NEFH: variants seen among roughly 807,000 people sequenced by gnomAD.
The protein encoded by NEFH is neurofilament heavy chain, also known as neurofilament heavy polypeptide.
A neutral mutation model predicts 56.6 loss-of-function variants in NEFH; 58 were observed. The ratio of observed to expected loss-of-function variants is 1.03; its 90% confidence interval spans 0.83 to 1.28. The LOEUF is 1.28. NEFH is among the 50% of genes most tolerant of loss of function. NEFH has a pLI of 0.00. For missense variants in NEFH, 1,221 were observed against 1,307.6 expected (o/e 0.93, Z 1.02); for synonymous variants, 542 against 545.8 (o/e 0.99, Z 0.10).
Position 29,483,371 on chromosome 22 carries a change from C to T in NEFH, c.884-4C>T. On this transcript the variant is annotated splice_region_variant and splice_polypyrimidine_tract_variant and intron_variant, in intron 1 of 3. Coordinates refer to ENST00000310624, the MANE Select transcript of NEFH (RefSeq NM_021076.4). ...ACCCTGTGCCCTGCTACCTTCTCCC[C>T]CAGTGAGGCTGGACCGACTGTCGGA... 7 of 1,613,738 alleles carry T rather than the reference C, an allele frequency of 4.3e-6. No homozygotes were observed. The highest frequency in any genetic ancestry group is 5.9e-6 in the Non-Finnish European group (7 of 1,179,978).
chr22:29,489,996 A>G lies in NEFH; in HGVS notation c.2356A>G (p.Lys786Glu). Residue 786 changes from lysine to glutamate, a missense_variant, in exon 4 of 4, where the codon AAA becomes GAA. This residue lies in a region of NEFH where 301 missense variants were observed against 346.6 expected (regional missense o/e 0.87). Coordinates refer to ENST00000310624, the MANE Select transcript of NEFH (RefSeq NM_021076.4). ...TGCAGACAAATTCCCTGAAAAGGCCAAAAGCCCTGTCAAGGAGGAGGTCAA... is the reference window on the plus strand; with the variant it reads ...TGCAGACAAATTCCCTGAAAAGGCCGAAAGCCCTGTCAAGGAGGAGGTCAA... ...SPADKFPEKA[K>E]SPVKEEVKSP... 1 of 1,613,634 alleles carries G rather than the reference A, an allele frequency of 6.2e-7. No homozygotes were observed. Among genetic ancestry groups the G allele is most frequent in the African/African-American group, 1.3e-5 (1 of 74,846 alleles).
In NEFH at chr22:29,489,094, A is replaced by T. The variant is rs191130087; in HGVS notation, c.1454A>T (p.Glu485Val). ...EKEAKEEEGK[E>V]EEGGEEEEAE... ...GAGGCCAAAGAGGAGGAGGGCAAGG[A>T]GGAAGAAGGGGGTGAAGAAGAGGAG... Residue 485 changes from glutamate (E) to valine (V), a missense_variant, in exon 4 of 4, where the codon GAG becomes GTG. Around this residue, in one of 4 missense-constraint regions of NEFH, gnomAD observed 243 missense variants for 299.1 expected, o/e 0.81. Transcript: ENST00000310624. 10 of 1,613,450 alleles carry T rather than the reference A, an allele frequency of 6.2e-6. No homozygotes were observed. Among genetic ancestry groups the T allele is most frequent in the Non-Finnish European group, 8.5e-6 (10 of 1,179,608 alleles).
intron 3 of NEFH, among the ~76,000 whole-genome samples, chr22:29,488,275 A>G (rs2063055441): frequency 6.6e-6 from 1 of 152,024 alleles, no homozygotes; most frequent in South Asian, 2.1e-4. Context: ...GAGACAGGAG[A>G]ATTGCTTGAA....
chr22:29,489,496 A>G lies in NEFH; in HGVS notation c.1856A>G (p.Lys619Arg). ...KEEAKSPAEA[K>R]SPVKEEAKSP... ...GAAGCAAAGTCACCGGCTGAGGCCA[A>G]GTCCCCAGTGAAGGAAGAAGCAAAA... Residue 619 changes from lysine to arginine, a missense_variant, in exon 4 of 4, where the codon AAG becomes AGG. Physicochemically the swap from Lys to Arg is conservative, Grantham distance 26. Around this residue, in one of 4 missense-constraint regions of NEFH, gnomAD observed 243 missense variants for 299.1 expected, o/e 0.81. Coordinates refer to ENST00000310624, the MANE Select transcript of NEFH (RefSeq NM_021076.4). The G allele has an allele frequency of 6.3e-7, 1 of 1,599,474 alleles. No individual in the cohort carries two copies. The highest frequency in any genetic ancestry group is 8.6e-7 in the Non-Finnish European group (1 of 1,169,578).
Position 29,490,545 on chromosome 22 carries a change from C to T in NEFH, c.2905C>T (p.Pro969Ser). 6.2e-7 allele frequency: 1 copy of T among 1,612,204 alleles called. No homozygotes were observed. The highest frequency in any genetic ancestry group is 1.1e-5 in the South Asian group (1 of 90,660). Residue 969 changes from proline to serine, a missense_variant, in exon 4 of 4, where the codon CCC becomes TCC. Pro to Ser is a moderately conservative substitution (Grantham distance 74, BLOSUM62 -1). Coordinates refer to ENST00000310624, the MANE Select transcript of NEFH (RefSeq NM_021076.4). ...EEKAKKPEEK[P>S]KTEAKAKEDD... ...GAAGGCCAAGAAGCCTGAGGAGAAA[C>T]CCAAGACAGAGGCCAAAGCCAAGGA...
Position 29,480,900 on chromosome 22 carries a change from G to C in NEFH, c.638G>C (p.Arg213Pro), listed in dbSNP as rs1330885133. The stretch of plus-strand genomic sequence containing the variant: ...TTCGCGCAGGAGGCCGAGGCGGCGC[G>C]CGTGGACCTGCAGAAGAAGGCGCAG... ...ARFAQEAEAA[R>P]VDLQKKAQAL... Residue 213 changes from arginine (R) to proline (P), a missense_variant, in exon 1 of 4, where the codon CGC becomes CCC. This residue lies in a region of NEFH where 640 missense variants were observed against 555.5 expected (regional missense o/e 1.15). Coordinates refer to ENST00000310624, the MANE Select transcript of NEFH (RefSeq NM_021076.4). 1 of 1,485,136 alleles carries C rather than the reference G, an allele frequency of 6.7e-7. No individual in the cohort carries two copies. Among genetic ancestry groups the C allele is most frequent in the African/African-American group, 1.5e-5 (1 of 68,100 alleles). The allele number at this position is 1,485,136 out of a possible 1,614,324, so 92.0% of individuals were successfully genotyped here.
chr22:29,481,443 C>T (rs556602600), intron 1 of NEFH, among the ~76,000 whole-genome samples: 12 of 152,122 alleles, frequency 7.9e-5, no homozygotes, highest in Non-Finnish European at 1.8e-4. Flanking sequence ...TCTGAGATCC[C>T]TCCCCCGTCA....
Position 29,489,674 on chromosome 22 carries a change from G to A in NEFH, c.2034G>A (p.Glu678=), listed in dbSNP as rs755787868. 6.2e-7 allele frequency: 1 copy of A among 1,610,594 alleles called. No homozygotes were observed. Among genetic ancestry groups the A allele is most frequent in the Non-Finnish European group, 8.5e-7 (1 of 1,179,286 alleles). ...SPVKAEAKSP[E]KAKSPVKAEA... is the part of the protein sequence containing the mutation. ...TGAAGGCAGAAGCAAAGTCCCCTGA[G>A]AAGGCCAAGTCCCCAGTGAAGGCAG... is the stretch of plus-strand genomic sequence containing the variant. Residue 678 remains glutamate, a synonymous_variant, in exon 4 of 4, where the codon GAG becomes GAA. Coordinates refer to ENST00000310624, the MANE Select transcript of NEFH (RefSeq NM_021076.4).
intron 2 of NEFH, 151 bp from the exon 3 acceptor site, chr22:29,485,572 G>A (rs1439185378): frequency 2.3e-6 from 2 of 863,792 alleles, no homozygotes; most frequent in Non-Finnish European, 1.9e-6. Context: ...GTCCACTAAT[G>A]AGGACCCTAC....
chr22:29,484,905 G>A (rs1042677916), intron 2 of NEFH, among the ~76,000 whole-genome samples: 2 of 151,736 alleles, frequency 1.3e-5, no homozygotes, highest in Non-Finnish European at 2.9e-5. Context: ...CGAGATCATA[G>A]CTCACTAAAG....
At chr22:29,481,470 C>T (rs977877517) in intron 1 of NEFH, among the ~76,000 whole-genome samples, 2 of 152,118 alleles carry the variant, frequency 1.3e-5, no homozygotes, top group Admixed American at 6.5e-5. Flanking sequence ...AAACAAGTTT[C>T]CTCTACAGGA....
intron 2 of NEFH, among the ~76,000 whole-genome samples, chr22:29,484,204 G>T (rs2063030472): frequency 6.6e-6 from 1 of 152,128 alleles, no homozygotes; most frequent in Admixed American, 6.6e-5. Context: ...AGCTCGGCAA[G>T]GTCTTCAACA....
Position 29,486,701 on chromosome 22 carries a change from T to G in NEFH, c.1208+854T>G, listed in dbSNP as rs184875263. Among the ~76,000 whole-genome samples, 34 of 152,012 alleles carry G rather than the reference T, an allele frequency of 2.2e-4. 1 individual carries two copies. The highest frequency in any genetic ancestry group is 2.2e-3 in the Admixed American group (33 of 15,264). ...CCACACCCAGCTATTTTTTGTATTT[T>G]TAGTAGAGACTGGGTCTCGCTATGT... On this transcript the variant is annotated intron_variant, in intron 3 of 3. Coordinates refer to ENST00000310624, the MANE Select transcript of NEFH (RefSeq NM_021076.4).
intron 3 of NEFH, among the ~76,000 whole-genome samples, chr22:29,486,430 C>T (rs1426958794): frequency 6.6e-6 from 1 of 151,948 alleles, no homozygotes; most frequent in East Asian, 1.9e-4. Context: ...TCATCGCAAA[C>T]TGAAACTCCA....
At position 29,489,390 on chromosome 22, in the gene NEFH, G is replaced by T. The variant is rs557901087; in HGVS notation, c.1750G>T (p.Ala584Ser). 15 of 1,613,128 alleles carry T rather than the reference G, an allele frequency of 9.3e-6. No homozygotes were observed. Among genetic ancestry groups the T allele is most frequent in the Non-Finnish European group, 1.2e-5 (14 of 1,179,330 alleles). The change falls in exon 4 of 4, where the codon GCC becomes TCC. Residue 584 changes from alanine (A) to serine (S), a missense_variant. Coordinates refer to ENST00000310624, the MANE Select transcript of NEFH (RefSeq NM_021076.4). ...SPAEVKSPEK[A>S]KSPAKEEAKS... ...AGCTGAGGTCAAGTCCCCCGAGAAG[G>T]CCAAGTCCCCAGCAAAGGAAGAGGC...
At chr22:29,486,471 C>T (rs555368787) in intron 3 of NEFH, among the ~76,000 whole-genome samples, 1 of 151,952 alleles carries the variant, frequency 6.6e-6, no homozygotes, top group Non-Finnish European at 1.5e-5. Context: ...TCATTCTCTC[C>T]TTCCTTCAGC....
In NEFH at chr22:29,491,032, T is replaced by C. The variant is rs2063078743; in HGVS notation, c.*329T>C. 4.7e-6 allele frequency: 2 copies of C among 426,158 alleles called. No homozygotes were observed. The highest frequency in any genetic ancestry group is 4.1e-5 in the African/African-American group (2 of 49,350). The allele number at this position is 426,158 out of a possible 1,614,324, so 26.4% of individuals were successfully genotyped here. A position where few individuals can be genotyped will look rare whatever the true frequency, so the allele number is the denominator to read the frequency against. The stretch of plus-strand genomic sequence containing the variant: ...TTTCCAAATAAGTGCATTTATTGCC[T>C]CTATGTGCAACTGACAGATGACCGC... On this transcript the variant is annotated 3_prime_UTR_variant, in exon 4 of 4. Transcript: ENST00000310624.
At chr22:29,482,024 CGTT>C (rs1281916310) in intron 1 of NEFH, among the ~76,000 whole-genome samples, 1 of 152,152 alleles carries the variant, frequency 6.6e-6, no homozygotes, top group Non-Finnish European at 1.5e-5. Flanking sequence ...TAAAACTTTG[CGTT>C]GTTTTTGAGA....
intron 3 of NEFH, among the ~76,000 whole-genome samples, chr22:29,486,805 G>A (rs1026424254): frequency 2.6e-5 from 4 of 152,200 alleles, no homozygotes; most frequent in Non-Finnish European, 5.9e-5. Flanking sequence ...TTACAGGCGT[G>A]AGCCACTGTG....
Sources: allele counts gnomAD v4.1 joint callset (sites outside exome capture counted in the v4.1 genomes callset), GRCh38; gene constraint gnomAD v4.1.1; regional missense constraint gnomAD v4.1.1; transcripts MANE v1.5; gene names NCBI Gene and HGNC (gene_info 2026-07-23, HGNC 2026-07-21).